The following LRRC75A variants were observed in gnomAD, a reference collection of about 807,000 sequenced individuals.
The protein encoded by LRRC75A is leucine rich repeat containing 75A.
In LRRC75A, 12 loss-of-function variants were observed where a neutral mutation model predicts 26.0. That is an observed-to-expected ratio of 0.46 (90% CI 0.30 to 0.75). The LOEUF is 0.75. Ranked by LOEUF, LRRC75A falls within the 30% of genes least tolerant of loss-of-function variation. The pLI is 0.08. For missense variants in LRRC75A, 410 were observed against 486.6 expected (o/e 0.84, Z 1.48); for synonymous variants, 223 against 219.3 (o/e 1.02, Z -0.15).
intron 1 of LRRC75A, chr17:16,470,512 T>A (rs1284340908): frequency 2.0e-5 from 3 of 152,024 alleles, no homozygotes; most frequent in African/African-American, 2.4e-5. Context: ...ACCAGGCTGC[T>A]CCCCCTCCTG....
intron 1 of LRRC75A, among the ~76,000 whole-genome samples, chr17:16,478,247 G>A (rs1173207306): frequency 1.3e-5 from 2 of 150,582 alleles, no homozygotes; most frequent in Admixed American, 1.3e-4. Context: ...GAGTGCAGTG[G>A]CGTCATCTCG....
At position 16,492,116 on chromosome 17, in the gene LRRC75A, C is replaced by G. The variant is rs896919155; in HGVS notation, c.-126G>C. The G allele has an allele frequency of 1.5e-5, 12 of 807,144 alleles. No individual in the cohort carries two copies. Among genetic ancestry groups the G allele is most frequent in the African/African-American group, 3.8e-5 (2 of 53,026 alleles). 50.0% of individuals were successfully genotyped at this position (807,144 alleles called of 1,614,324 possible). On this transcript the variant is annotated 5_prime_UTR_variant, in exon 1 of 4. Transcript: ENST00000470794. ...GCAACTTTGGGGGAACTGTTGCGCGCGGGCGTCGCGGGGGCGGGCGGGCGG... is the reference window on the plus strand; with the variant it reads ...GCAACTTTGGGGGAACTGTTGCGCGGGGGCGTCGCGGGGGCGGGCGGGCGG...
At position 16,443,690 on chromosome 17, in the gene LRRC75A, G is replaced by C; in HGVS notation, c.933C>G (p.Val311=). The C allele has an allele frequency of 6.2e-7, 1 of 1,607,762 alleles. No individual in the cohort carries two copies. Among genetic ancestry groups the C allele is most frequent in the Non-Finnish European group, 8.5e-7 (1 of 1,177,048 alleles). Residue 311 remains valine, a synonymous_variant, in exon 4 of 4, where the codon GTC becomes GTG. Coordinates refer to ENST00000470794, the MANE Select transcript of LRRC75A (RefSeq NM_001113567.3). ...LGEGPGSGEE[V]REGTVGQEDP... is the part of the protein sequence containing the mutation. ...CCTCCTGGCCTACTGTCCCTTCCCG[G>C]ACCTCCTCCCCACTGCCTGGGCCCT...
Position 16,491,787 on chromosome 17 carries a change from GC to G in LRRC75A, c.203del (p.Gly68AlafsTer24). 1 of 1,433,484 alleles carries G rather than the reference GC, an allele frequency of 7.0e-7. No homozygotes were observed. The highest frequency in any genetic ancestry group is 9.1e-7 in the Non-Finnish European group (1 of 1,094,466). 88.8% of individuals were successfully genotyped at this position (1,433,484 alleles called of 1,614,324 possible). A position where few individuals can be genotyped will look rare whatever the true frequency, so the allele number is the denominator to read the frequency against. On this transcript the variant is annotated frameshift_variant, in exon 1 of 4. Coordinates refer to ENST00000470794, the MANE Select transcript of LRRC75A (RefSeq NM_001113567.3). LOFTEE classifies it high-confidence loss of function. This position sits in a 1 kb window ranked among gnomAD's most constrained non-coding sequence, Gnocchi z 5.9. ...VQELLRMVRQ[G>X]RREEAGTLLQ... ...GCAGCGTCCCCGCCTCCTCCCGCCG[GC>G]CCTGGCGCACCATCCGCAGCAGCTC...
chr17:16,485,692 G>A lies in LRRC75A; in HGVS notation c.246+6053C>T, dbSNP rs187675673. On this transcript the variant is annotated intron_variant, in intron 1 of 3. Transcript: ENST00000470794. ...TGTTCGTGTGTGTGTGTGTGTGTGT[G>A]TATGCGTGGGCGCGCATGCGTGGTT... is the stretch of plus-strand genomic sequence containing the variant. 2.0e-3 allele frequency among the ~76,000 whole-genome samples: 298 copies of A among 147,354 alleles called. 3 individuals are homozygous for A. Among genetic ancestry groups the A allele is most frequent in the African/African-American group, 7.4e-3 (290 of 39,184 alleles).
intron 1 of LRRC75A, among the ~76,000 whole-genome samples, chr17:16,473,278 C>T (rs543508898): frequency 2.6e-5 from 4 of 152,266 alleles, no homozygotes; most frequent in South Asian, 4.1e-4. Context: ...CCGAGGCACA[C>T]TGCTCAGGCT....
chr17:16,470,928 G>A (rs918683381), intron 1 of LRRC75A, among the ~76,000 whole-genome samples: 1 of 152,074 alleles, frequency 6.6e-6, no homozygotes, highest in African/African-American at 2.4e-5. Context: ...CCCCATGTGC[G>A]ACAAGGAAGG....
intron 1 of LRRC75A, among the ~76,000 whole-genome samples, chr17:16,469,563 C>T (rs919676459): frequency 6.6e-6 from 1 of 152,192 alleles, no homozygotes; most frequent in Admixed American, 6.5e-5. Context: ...GGACTGAGTC[C>T]ACCTCTCAGG....
At chr17:16,465,453 CGA>C (rs1456722965) in intron 1 of LRRC75A, among the ~76,000 whole-genome samples, 1 of 152,188 alleles carries the variant, frequency 6.6e-6, no homozygotes, top group Non-Finnish European at 1.5e-5. Flanking sequence ...CTGCGGTAGA[CGA>C]GAGAGGTGAG....
chr17:16,474,665 C>T (rs2093815318), intron 1 of LRRC75A, among the ~76,000 whole-genome samples: 1 of 152,126 alleles, frequency 6.6e-6, no homozygotes, highest in African/African-American at 2.4e-5. Context: ...TTGTCCCTCT[C>T]TGCAGTACAT....
In LRRC75A at chr17:16,456,139, G is replaced by A. The variant is rs1466452452; in HGVS notation, c.375+6119C>T. 2.0e-5 allele frequency among the ~76,000 whole-genome samples: 3 copies of A among 148,114 alleles called. No homozygotes were observed. The South Asian group carries it at 6.6e-4, about 32-fold the overall frequency. On this transcript the variant is annotated intron_variant, in intron 2 of 3. Transcript: ENST00000470794. The stretch of plus-strand genomic sequence containing the variant: ...AGGAGTAGCAGTAGTAGGAGGAGGA[G>A]GAAGAGGAGGGAGAGGAGGAGGAAG...
In LRRC75A at chr17:16,469,576, T is replaced by A. The variant is rs1230526841; in HGVS notation, c.247-7190A>T. 2.0e-5 allele frequency among the ~76,000 whole-genome samples: 3 copies of A among 152,310 alleles called. No individual in the cohort carries two copies. The East Asian group carries it at 5.8e-4, about 29-fold the overall frequency. On this transcript the variant is annotated intron_variant, in intron 1 of 3. Transcript: ENST00000470794. Reference sequence around the variant, plus strand: ...TGGGACTGAGTCCACCTCTCAGGGCTCTGGCTTGCAGAAGAGTCCAGCCCC... The same window carrying A: ...TGGGACTGAGTCCACCTCTCAGGGCACTGGCTTGCAGAAGAGTCCAGCCCC...
rs1568943494 is a variant in LRRC75A at position 16,443,819 on chromosome 17, C to G, written c.804G>C (p.Leu268=). The part of the protein sequence containing the change: ...SKFPNVTWID[L]GNNVDIFSLP... ...AGGAGAAGATGTCCACGTTGTTGCCCAGGTCAATCCACGTGACATTGGGGA... is the reference window on the plus strand; with the variant it reads ...AGGAGAAGATGTCCACGTTGTTGCCGAGGTCAATCCACGTGACATTGGGGA... Residue 268 remains leucine, a synonymous_variant, in exon 4 of 4, where the codon CTG becomes CTC. Transcript: ENST00000470794. 1 of 1,614,000 alleles carries G rather than the reference C, an allele frequency of 6.2e-7. No individual in the cohort carries two copies. Among genetic ancestry groups the G allele is most frequent in the Non-Finnish European group, 8.5e-7 (1 of 1,179,842 alleles).
At chr17:16,485,083 C>T (rs1238927850) in intron 1 of LRRC75A, among the ~76,000 whole-genome samples, 2 of 151,976 alleles carry the variant, frequency 1.3e-5, no homozygotes, top group Non-Finnish European at 2.9e-5. Flanking sequence ...CCCTGCTTGG[C>T]GCGCCAAGGT....
intron 2 of LRRC75A, among the ~76,000 whole-genome samples, chr17:16,452,541 G>C (rs758772361): frequency 1.3e-5 from 2 of 151,754 alleles, no homozygotes; most frequent in Non-Finnish European, 2.9e-5. Context: ...AGGTTCAAAC[G>C]ATTCTCCTGC....
In LRRC75A at chr17:16,479,199, G is replaced by A. The variant is rs564700688; in HGVS notation, c.246+12546C>T. On this transcript the variant is annotated intron_variant, in intron 1 of 3. Coordinates refer to ENST00000470794, the MANE Select transcript of LRRC75A (RefSeq NM_001113567.3). ...GAGAGCCAGAGACAAGGAGTGGCCT[G>A]TGCAGGGTCATACAGGACTGGTAGC... Among the ~76,000 whole-genome samples the A allele has an allele frequency of 3.9e-4, 60 of 152,354 alleles. No homozygotes were observed. The South Asian group carries it at 0.012, about 30-fold the overall frequency.
intron 2 of LRRC75A, among the ~76,000 whole-genome samples, chr17:16,458,108 C>T (rs1368229684): frequency 6.6e-6 from 1 of 152,094 alleles, no homozygotes; most frequent in Non-Finnish European, 1.5e-5. Flanking sequence ...AGTTTGAGAC[C>T]AGGCTGGCCA....
intron 2 of LRRC75A, among the ~76,000 whole-genome samples, chr17:16,453,816 C>A (rs577959459): frequency 2.4e-4 from 37 of 152,202 alleles, no homozygotes; most frequent in African/African-American, 8.4e-4. Flanking sequence ...TCTTCTCCCC[C>A]AGAGTGAGTC....
In LRRC75A at chr17:16,443,278, C is replaced by T; in HGVS notation, c.*310G>A. The T allele has an allele frequency of 2.7e-6, 1 of 369,930 alleles. No individual in the cohort carries two copies. The highest frequency in any genetic ancestry group is 4.9e-6 in the Non-Finnish European group (1 of 204,378). The allele number at this position is 369,930 out of a possible 1,614,324, so 22.9% of individuals were successfully genotyped here. A position where few individuals can be genotyped will look rare whatever the true frequency, so the allele number is the denominator to read the frequency against. On this transcript the variant is annotated 3_prime_UTR_variant, in exon 4 of 4. Coordinates refer to ENST00000470794, the MANE Select transcript of LRRC75A (RefSeq NM_001113567.3). ...CAATGGCTCAGGCTTACAGTACCTC[C>T]AGCCATGTGCCCATTTCCACAAGTC...
Sources: allele counts gnomAD v4.1 joint callset (sites outside exome capture counted in the v4.1 genomes callset), GRCh38; gene constraint gnomAD v4.1.1; non-coding constraint Gnocchi (gnomAD v3.1); transcripts MANE v1.5; gene names NCBI Gene and HGNC (gene_info 2026-07-23, HGNC 2026-07-21).